PPP2R5D: variants seen among roughly 807,000 people sequenced by gnomAD.
PPP2R5D encodes the protein protein phosphatase 2 regulatory subunit B'delta, also known as serine/threonine-protein phosphatase 2A 56 kDa regulatory subunit delta isoform.
Under a neutral mutation model 79.1 loss-of-function variants are expected in PPP2R5D, and 12 were observed. The observed-to-expected ratio is 0.15, with a 90% CI of 0.10 to 0.25. The LOEUF (loss-of-function observed/expected upper bound fraction) is 0.25. Ranked by LOEUF, PPP2R5D falls within the 10% of genes least tolerant of loss-of-function variation. The probability of loss-of-function intolerance (pLI) is 1.00; values close to 1 mark genes in which losing one functional copy is unlikely to be tolerated. For missense variants in PPP2R5D, 419 were observed against 760.2 expected (o/e 0.55, Z 5.28); for synonymous variants, 277 against 286.6 (o/e 0.97, Z 0.34).
intron 2 of PPP2R5D, among the ~76,000 whole-genome samples, chr6:43,002,129 T>C (rs568520494): frequency 5.3e-4 from 80 of 152,060 alleles, no homozygotes; most frequent in Non-Finnish European, 9.3e-4. Flanking sequence ...CAAGGTGTTA[T>C]TGAGCACCAA....
In PPP2R5D at chr6:43,010,458, T is replaced by C. The variant is rs1208369013; in HGVS notation, c.1380-10T>C. On this transcript the variant is annotated splice_polypyrimidine_tract_variant and intron_variant, in intron 12 of 15. Transcript: ENST00000485511. The surrounding 1 kb of genome is among the most constrained non-coding windows in gnomAD (Gnocchi z 4.7). ...GGCCTCCTACACCTCATCTTTCTTC[T>C]TGGTGGCAGGACAATCCATGGACTG... The C allele has an allele frequency of 3.1e-6, 5 of 1,613,258 alleles. No individual in the cohort carries two copies. Among genetic ancestry groups the C allele is most frequent in the Non-Finnish European group, 4.2e-6 (5 of 1,179,328 alleles).
intron 2 of PPP2R5D, among the ~76,000 whole-genome samples, chr6:42,998,521 G>C (rs1028603699): frequency 1.3e-5 from 2 of 152,158 alleles, no homozygotes; most frequent in African/African-American, 2.4e-5. Context: ...AATCTAGGAA[G>C]GCTTCTTGGA....
intron 2 of PPP2R5D, among the ~76,000 whole-genome samples, chr6:42,991,861 A>C (rs1051731193): frequency 6.6e-6 from 1 of 152,206 alleles, no homozygotes; most frequent in Non-Finnish European, 1.5e-5. Flanking sequence ...ATTACAAGCA[A>C]TCTGGGAAAG....
chr6:42,996,641 A>G (rs1412195839), intron 2 of PPP2R5D, among the ~76,000 whole-genome samples: 1 of 152,196 alleles, frequency 6.6e-6, no homozygotes, highest in Non-Finnish European at 1.5e-5. Flanking sequence ...TGTCCTGCCT[A>G]GTGGACTGTG....
In PPP2R5D at chr6:43,012,130, T is replaced by C. The variant is rs960026684; in HGVS notation, c.*844T>C. ...CCTATTTATTTCCTTGTTTGTGCTA[T>C]GCTGGGCAGGCCTTCTCTTGTCCCT... On this transcript the variant is annotated 3_prime_UTR_variant, in exon 16 of 16. Coordinates refer to ENST00000485511, the MANE Select transcript of PPP2R5D (RefSeq NM_006245.4). 1 of 880,986 alleles carries C rather than the reference T, an allele frequency of 1.1e-6. No homozygotes were observed. The highest frequency in any genetic ancestry group is 1.4e-6 in the Non-Finnish European group (1 of 722,678). The allele number at this position is 880,986 out of a possible 1,614,324, so 54.6% of individuals were successfully genotyped here.
intron 2 of PPP2R5D, among the ~76,000 whole-genome samples, chr6:43,000,842 C>G (rs1406471441): frequency 6.6e-6 from 1 of 152,230 alleles, no homozygotes; most frequent in Non-Finnish European, 1.5e-5. Flanking sequence ...AGCTTTGGCT[C>G]CTGGTCAACC....
chr6:42,989,733 C>G (rs377595635), intron 2 of PPP2R5D, 45 bp downstream of exon 2: 62 of 1,538,228 alleles, frequency 4.0e-5, no homozygotes, highest in Non-Finnish European at 5.6e-5. Context: ...AGGTGCCACC[C>G]GCAACTCCAT....
chr6:42,990,699 CTTTTTTTTTTTTT>C (rs70990164), intron 2 of PPP2R5D, among the ~76,000 whole-genome samples: 2 of 51,572 alleles, frequency 3.9e-5, no homozygotes, highest in East Asian at 7.1e-4. Context: ...CAGTATTCTA[CTTTTTTTTTTTTT>C]TTTTTTTTTT....
chr6:43,007,941 G>C lies in PPP2R5D; in HGVS notation c.733G>C (p.Asp245His). ...CCCTCCCTTGTACCCCCAGCTCCTA[G>C]ACCTATTTGACAGTGAGGATCCTCG... ...IDQKFVLALL[D>H]LFDSEDPRER... The change falls in exon 7 of 16, where the codon GAC becomes CAC. Residue 245 changes from aspartate to histidine, a missense_variant. Physicochemically the swap from Asp to His is moderately conservative, Grantham distance 81 (BLOSUM62 -1). This residue lies in a region of PPP2R5D where 196 missense variants were observed against 424.5 expected (regional missense o/e 0.46). Coordinates refer to ENST00000485511, the MANE Select transcript of PPP2R5D (RefSeq NM_006245.4). The surrounding 1 kb of genome is among the most constrained non-coding windows in gnomAD (Gnocchi z 4.5). 6.2e-7 allele frequency: 1 copy of C among 1,614,150 alleles called. No individual in the cohort carries two copies. Among genetic ancestry groups the C allele is most frequent in the Non-Finnish European group, 8.5e-7 (1 of 1,180,020 alleles).
rs1048489872 is a variant in PPP2R5D at position 42,998,408 on chromosome 6, A to G, written c.106-8055A>G. 1.3e-5 allele frequency among the ~76,000 whole-genome samples: 2 copies of G among 151,996 alleles called. 1 individual carries two copies. The highest frequency in any genetic ancestry group is 1.3e-4 in the Admixed American group (2 of 15,240). ...TATTAATGATGGCCGTGTTCGGAAT[A>G]GGCTGGACCAGGATAGGTTCAGAGT... On this transcript the variant is annotated intron_variant, in intron 2 of 15. Transcript: ENST00000485511.
At position 43,011,550 on chromosome 6, in the gene PPP2R5D, C is replaced by T. The variant is rs1046851042; in HGVS notation, c.*264C>T. On this transcript the variant is annotated 3_prime_UTR_variant, in exon 16 of 16. Coordinates refer to ENST00000485511, the MANE Select transcript of PPP2R5D (RefSeq NM_006245.4). The stretch of plus-strand genomic sequence containing the variant: ...CAGACAACCTGGGGATGCCTGTCCC[C>T]TACCTGCTCCTCACCCACAGCTACC... 1 of 523,972 alleles carries T rather than the reference C, an allele frequency of 1.9e-6. No homozygotes were observed. The highest frequency in any genetic ancestry group is 3.4e-6 in the Non-Finnish European group (1 of 291,210). The allele number at this position is 523,972 out of a possible 1,614,324, so 32.5% of individuals were successfully genotyped here.
Position 43,007,359 on chromosome 6 carries a change from G to A in PPP2R5D, c.633+53G>A. On this transcript the variant is annotated intron_variant, in intron 5 of 15. Coordinates refer to ENST00000485511, the MANE Select transcript of PPP2R5D (RefSeq NM_006245.4). The surrounding 1 kb of genome is among the most constrained non-coding windows in gnomAD (Gnocchi z 4.5). ...GTGGCTGCAGGGAGTGGGGCACTTG[G>A]AGGCCTGCAAGTCCTTGGGAACATC... The A allele has an allele frequency of 6.2e-6, 10 of 1,605,004 alleles. No homozygotes were observed. Among genetic ancestry groups the A allele is most frequent in the Non-Finnish European group, 6.8e-6 (8 of 1,171,618 alleles).
In PPP2R5D at chr6:43,010,378, C is replaced by T. The variant is rs1446118436; in HGVS notation, c.1380-90C>T. 9.9e-7 allele frequency: 1 copy of T among 1,013,010 alleles called. No homozygotes were observed. Among genetic ancestry groups the T allele is most frequent in the African/African-American group, 1.6e-5 (1 of 62,942 alleles). The allele number at this position is 1,013,010 out of a possible 1,614,324, so 62.8% of individuals were successfully genotyped here. A position where few individuals can be genotyped will look rare whatever the true frequency, so the allele number is the denominator to read the frequency against. Reference sequence around the variant, plus strand: ...AAGTAGTAAATGACAAAGCTCTTAGCAGAGATACCCCTGTGAGAGAACAAA... The same window carrying T: ...AAGTAGTAAATGACAAAGCTCTTAGTAGAGATACCCCTGTGAGAGAACAAA... On this transcript the variant is annotated intron_variant, in intron 12 of 15. Transcript: ENST00000485511. The surrounding 1 kb of genome is among the most constrained non-coding windows in gnomAD (Gnocchi z 4.7).
At chr6:42,984,836 C>T in intron 1 of PPP2R5D, 132 bp downstream of exon 1, 1 of 1,377,462 alleles carries the variant, frequency 7.3e-7, no homozygotes, top group Non-Finnish European at 9.7e-7. Context: ...TGGGGCCAGC[C>T]CTCCGCCCCC....
In PPP2R5D at chr6:43,009,778, G is replaced by A. The variant is rs936199709; in HGVS notation, c.1379+329G>A. ...TGAGAGTATGTGTAAAGAATCCCAG[G>A]GTTTTAGGCCGGGCACGGTGTCTCA... On this transcript the variant is annotated intron_variant, in intron 12 of 15. Coordinates refer to ENST00000485511, the MANE Select transcript of PPP2R5D (RefSeq NM_006245.4). The surrounding 1 kb of genome is among the most constrained non-coding windows in gnomAD (Gnocchi z 5.6). Among the ~76,000 whole-genome samples the A allele has an allele frequency of 3.3e-5, 5 of 152,220 alleles. No individual in the cohort carries two copies. The highest frequency in any genetic ancestry group is 1.3e-4 in the Admixed American group (2 of 15,276).
At chr6:42,986,891 C>T (rs1045160012) in intron 1 of PPP2R5D, among the ~76,000 whole-genome samples, 8 of 151,938 alleles carry the variant, frequency 5.3e-5, no homozygotes, top group Non-Finnish European at 1.2e-4. Flanking sequence ...GCATAACTCT[C>T]ACCTCCCTAT....
chr6:42,992,121 G>A (rs572630032), intron 2 of PPP2R5D, among the ~76,000 whole-genome samples: 3 of 152,102 alleles, frequency 2.0e-5, no homozygotes, highest in East Asian at 1.9e-4. Flanking sequence ...GTGCAGTGGC[G>A]CGATCTTGGC....
chr6:43,004,928 T>C (rs559757712), intron 2 of PPP2R5D, among the ~76,000 whole-genome samples: 15 of 151,886 alleles, frequency 9.9e-5, no homozygotes, highest in Non-Finnish European at 2.1e-4. Flanking sequence ...TTTGTATTTT[T>C]AGTAAGAGAT....
At chr6:42,988,039 G>C (rs1051830238) in intron 1 of PPP2R5D, among the ~76,000 whole-genome samples, 10 of 152,128 alleles carry the variant, frequency 6.6e-5, no homozygotes, top group Non-Finnish European at 1.5e-4. Flanking sequence ...TACAGCAGGA[G>C]CGTGCTCAGG....
Sources: gnomAD v4.1 joint callset for allele counts (sites outside exome capture counted in the v4.1 genomes callset) on GRCh38, gnomAD v4.1.1 for gene constraint, gnomAD v4.1.1 regional missense constraint, Gnocchi (gnomAD v3.1) non-coding constraint, MANE v1.5 for transcripts, NCBI Gene and HGNC (gene_info 2026-07-23, HGNC 2026-07-21) for gene names.